TMTC1: variants seen among roughly 807,000 people sequenced by gnomAD.
The protein encoded by TMTC1 is protein O-mannosyl-transferase TMTC1.
Under a neutral mutation model 104.8 loss-of-function variants are expected in TMTC1, and 73 were observed. The ratio of observed to expected loss-of-function variants is 0.70; its 90% CI spans 0.58 to 0.85. The LOEUF is 0.85. Ranked by LOEUF, TMTC1 falls within the 40% of genes least tolerant of loss-of-function variation. TMTC1 has a pLI of 0.00. For synonymous variants in TMTC1, 434 were observed against 428.7 expected (o/e 1.01, Z -0.15); for missense variants, 1,035 against 1,096.1 (o/e 0.94, Z 0.79).
intron 5 of TMTC1, among the ~76,000 whole-genome samples, chr12:29,665,415 C>T (rs1940237991): frequency 2.0e-5 from 3 of 152,298 alleles, no homozygotes; most frequent in South Asian, 2.1e-4. Context: ...TTTCTGACTA[C>T]TCACATCCAC....
chr12:29,580,380 C>G (rs1945946226), intron 8 of TMTC1, among the ~76,000 whole-genome samples: 1 of 152,084 alleles, frequency 6.6e-6, no homozygotes, highest in Non-Finnish European at 1.5e-5. Context: ...GCATCTGTAT[C>G]TCCTAAAAAT....
intron 5 of TMTC1, chr12:29,640,576 T>C (rs1051324936): frequency 2.0e-5 from 3 of 152,128 alleles, no homozygotes; most frequent in East Asian, 1.9e-4. Flanking sequence ...CTGAGTCAAT[T>C]TGGAGAGCCA....
chr12:29,687,977 G>C (rs1028369562), intron 5 of TMTC1, among the ~76,000 whole-genome samples: 1 of 152,138 alleles, frequency 6.6e-6, no homozygotes, highest in Non-Finnish European at 1.5e-5. Flanking sequence ...GGAGGTCAGG[G>C]TTTCAGTATG....
chr12:29,738,530 T>G (rs567473379), intron 5 of TMTC1, among the ~76,000 whole-genome samples: 1 of 152,240 alleles, frequency 6.6e-6, no homozygotes, highest in Non-Finnish European at 1.5e-5. Context: ...GAGCTTCCAA[T>G]TGATCAAGCC....
At chr12:29,716,521 A>C (rs1160610442) in intron 5 of TMTC1, among the ~76,000 whole-genome samples, 9 of 152,160 alleles carry the variant, frequency 5.9e-5, no homozygotes, top group South Asian at 2.1e-4. Flanking sequence ...TTCATAATTA[A>C]TACAGAAGAA....
intron 5 of TMTC1, among the ~76,000 whole-genome samples, chr12:29,715,596 A>G (rs976254834): frequency 6.6e-6 from 1 of 152,220 alleles, no homozygotes; most frequent in Non-Finnish European, 1.5e-5. Flanking sequence ...GAACTGATTT[A>G]GACCTCGTAA....
chr12:29,727,612 G>A (rs188552), intron 5 of TMTC1, among the ~76,000 whole-genome samples: 53,044 of 151,652 alleles, frequency 0.35, 9,856 homozygotes, highest in Non-Finnish European at 0.42. Context: ...TCCTGACCTC[G>A]TGATCTGCCC....
chr12:29,657,038 T>C (rs1490959572), intron 5 of TMTC1, among the ~76,000 whole-genome samples: 1 of 152,196 alleles, frequency 6.6e-6, no homozygotes, highest in African/African-American at 2.4e-5. Flanking sequence ...GGTTGGTGAG[T>C]TGACAGCAGT....
intron 5 of TMTC1, among the ~76,000 whole-genome samples, chr12:29,642,166 T>C (rs1233913104): frequency 6.6e-6 from 1 of 152,268 alleles, no homozygotes; most frequent in Admixed American, 6.5e-5. Flanking sequence ...GAAAACATAT[T>C]TGGGGGAATA....
chr12:29,539,491 T>C (rs1012179467), intron 10 of TMTC1, among the ~76,000 whole-genome samples: 1 of 152,208 alleles, frequency 6.6e-6, no homozygotes, highest in Non-Finnish European at 1.5e-5. Flanking sequence ...AAAATCTTTA[T>C]TAATGTCCAA....
Position 29,556,240 on chromosome 12 carries a change from A to T in TMTC1, c.1676+617T>A, listed in dbSNP as rs190050089. Among the ~76,000 whole-genome samples, 515 of 152,322 alleles carry T rather than the reference A, an allele frequency of 3.4e-3. 1 individual carries two copies. Among genetic ancestry groups the T allele is most frequent in the Non-Finnish European group, 5.5e-3 (372 of 68,032 alleles). On this transcript the variant is annotated intron_variant, in intron 10 of 17. Coordinates refer to ENST00000539277, the MANE Select transcript of TMTC1 (RefSeq NM_001193451.2). Reference sequence around the variant, plus strand: ...TTTATCAGGGCAGCAAGTAAAAAGCAAACACTAGAGGTTATGTCTGAGAAT... The same window carrying T: ...TTTATCAGGGCAGCAAGTAAAAAGCTAACACTAGAGGTTATGTCTGAGAAT...
intron 6 of TMTC1, among the ~76,000 whole-genome samples, chr12:29,623,501 A>G (rs148930146): frequency 6.6e-6 from 1 of 152,314 alleles, no homozygotes; most frequent in Admixed American, 6.5e-5. Flanking sequence ...GCCCAAAATG[A>G]TGCAACAAAA....
intron 6 of TMTC1, among the ~76,000 whole-genome samples, chr12:29,628,691 T>C (rs900354537): frequency 6.6e-6 from 1 of 152,104 alleles, no homozygotes; most frequent in African/African-American, 2.4e-5. Context: ...TGAGACAGAC[T>C]TCGCTCTGTC....
At chr12:29,744,831 G>T (rs1176544666) in intron 5 of TMTC1, among the ~76,000 whole-genome samples, 1 of 152,206 alleles carries the variant, frequency 6.6e-6, no homozygotes, top group African/African-American at 2.4e-5. Flanking sequence ...TAAAGGCACA[G>T]TAATGACACT....
intron 11 of TMTC1, chr12:29,532,669 G>T (rs547862311): frequency 6.7e-4 from 99 of 146,908 alleles, no homozygotes; most frequent in African/African-American, 1.9e-3. Flanking sequence ...GCATATTAAA[G>T]AATGATAATA....
At chr12:29,625,312 G>C (rs1237352624) in intron 6 of TMTC1, among the ~76,000 whole-genome samples, 1 of 152,100 alleles carries the variant, frequency 6.6e-6, no homozygotes, top group African/African-American at 2.4e-5. Context: ...CACAAAACAG[G>C]ATTATTCCCA....
intron 5 of TMTC1, among the ~76,000 whole-genome samples, chr12:29,727,399 C>T (rs368361921): frequency 1.6e-4 from 25 of 151,960 alleles, no homozygotes; most frequent in African/African-American, 3.4e-4. Context: ...TTTTTTGAGA[C>T]GGAGTCTTGC....
chr12:29,553,117 A>C (rs1489812239), intron 10 of TMTC1, among the ~76,000 whole-genome samples: 1 of 152,174 alleles, frequency 6.6e-6, no homozygotes, highest in Non-Finnish European at 1.5e-5. Context: ...ATGCCATTAA[A>C]CAGTCTAATA....
intron 5 of TMTC1, among the ~76,000 whole-genome samples, chr12:29,702,681 A>C (rs971860952): frequency 1.3e-5 from 2 of 152,218 alleles, no homozygotes; most frequent in African/African-American, 4.8e-5. Flanking sequence ...AATCCGAGGC[A>C]GCGCAGGCCA....
Sources: gnomAD v4.1 joint callset for allele counts (sites outside exome capture counted in the v4.1 genomes callset) on GRCh38, gnomAD v4.1.1 for gene constraint, MANE v1.5 for transcripts, NCBI Gene and HGNC (gene_info 2026-07-23, HGNC 2026-07-21) for gene names.